The following KAZN variants were observed in gnomAD, a reference collection of about 807,000 sequenced individuals.
KAZN encodes kazrin.
A neutral mutation model predicts 87.4 loss-of-function variants in KAZN; 40 were observed. The observed-to-expected ratio is 0.46, with a 90% CI of 0.36 to 0.60. The LOEUF is 0.60. Among genes scored for constraint, KAZN ranks in the 20% least tolerant of loss-of-function variants. The probability of loss-of-function intolerance (pLI) is 0.00; values close to 1 mark genes in which losing one functional copy is unlikely to be tolerated. For synonymous variants in KAZN, 466 were observed against 458.3 expected, an observed-to-expected ratio of 1.02 and a Z score of -0.22; for missense variants, 898 against 1,073.9, an observed-to-expected ratio of 0.84 and a Z score of 2.29.
chr1:14,995,805 T>C (rs1193814812), intron 2 of KAZN, among the ~76,000 whole-genome samples: 2 of 152,026 alleles, frequency 1.3e-5, no homozygotes, highest in Non-Finnish European at 2.9e-5. Context: ...CTCGCCTGAT[T>C]TATATTTACC....
chr1:14,637,556 C>A (rs1013891983), intron 1 of KAZN, among the ~76,000 whole-genome samples: 4 of 152,062 alleles, frequency 2.6e-5, no homozygotes, highest in African/African-American at 9.7e-5. Context: ...TCAAGGCTGG[C>A]CCTCTGTAGA....
At chr1:14,576,291 AGGATGGATGGATGGATGGAT>A (rs71587761) in intron 2 of KAZN, among the ~76,000 whole-genome samples, 21 of 125,456 alleles carry the variant, frequency 1.7e-4, no homozygotes, top group African/African-American at 5.1e-4. Context: ...GAAGGATGGA[AGGATGGATGGATGGATGGAT>A]GGATGGATGG....
chr1:14,139,265 A>C (rs757304897), intron 1 of KAZN, among the ~76,000 whole-genome samples: 18 of 152,190 alleles, frequency 1.2e-4, no homozygotes, highest in Admixed American at 5.9e-4. Flanking sequence ...GGAGAAGGTA[A>C]GCTGATGTGG....
rs1322530355 is a variant in KAZN at position 14,599,125 on chromosome 1, G to T, written c.128G>T (p.Gly43Val). 1 of 1,524,550 alleles carries T rather than the reference G, an allele frequency of 6.6e-7. No individual in the cohort carries two copies. The highest frequency in any genetic ancestry group is 2.1e-5 in the Admixed American group (1 of 46,866). The allele number at this position is 1,524,550 out of a possible 1,614,324, so 94.4% of individuals were successfully genotyped here. The change falls in exon 1 of 15, where the codon GGC (glycine) becomes GTC (valine). Residue 43 changes from glycine (G) to valine (V), a missense_variant. Gly to Val is a moderately radical substitution (Grantham distance 109, BLOSUM62 -3). This residue lies in a region of KAZN where 250 missense variants were observed against 263.0 expected (regional missense o/e 0.95). Coordinates refer to ENST00000376030, the MANE Select transcript of KAZN (RefSeq NM_201628.3). The surrounding 1 kb of genome is among the most constrained non-coding windows in gnomAD (Gnocchi z 4.4). Reference sequence around the variant, plus strand: ...CGGAGACTGGCGGAACTGAGCGGCGGCGGCGGCCCCGGCCCGGGCCCGGGA... The same window carrying T: ...CGGAGACTGGCGGAACTGAGCGGCGTCGGCGGCCCCGGCCCGGGCCCGGGA... ...TNRRLAELSG[G>V]GGPGPGPGAA...
At chr1:14,957,745 C>T (rs58081232) in intron 1 of KAZN, among the ~76,000 whole-genome samples, 13,062 of 152,206 alleles carry the variant, frequency 0.086, 1,826 homozygotes, top group African/African-American at 0.29. Context: ...GAGTCTAGCG[C>T]CTTCCAGAAC....
At chr1:13,925,930 T>C (rs1019144862) in intron 1 of KAZN, among the ~76,000 whole-genome samples, 5 of 152,146 alleles carry the variant, frequency 3.3e-5, no homozygotes, top group African/African-American at 7.2e-5. Flanking sequence ...GAAGAGTGAA[T>C]GACCATGAGG....
At position 14,174,013 on chromosome 1, in the gene KAZN, T is replaced by C. The variant is rs183257414; in HGVS notation, c.92-6422T>C. Among the ~76,000 whole-genome samples, 178 of 152,352 alleles carry C rather than the reference T, an allele frequency of 1.2e-3. 1 individual carries two copies. Among genetic ancestry groups the C allele is most frequent in the Non-Finnish European group, 9.7e-4 (66 of 68,036 alleles). On this transcript the variant is annotated intron_variant, in intron 1 of 16. Transcript: ENST00000636203. Reference sequence around the variant, plus strand: ...CAGCATTGAATATTTGGTCTGTACATAGAAACAAATGGGAAAAGGCATTCC... The same window carrying C: ...CAGCATTGAATATTTGGTCTGTACACAGAAACAAATGGGAAAAGGCATTCC...
rs1428500047 is a variant in KAZN, at chr1:14,184,247, C to T, written c.249+3655C>T. Among the ~76,000 whole-genome samples, 1 of 151,918 alleles carries T rather than the reference C, an allele frequency of 6.6e-6. No individual in the cohort carries two copies. The highest frequency in any genetic ancestry group is 1.5e-5 in the Non-Finnish European group (1 of 67,958). ...TCTTCTCCCTCTGCCCTTTTTCTCC[C>T]CACCCGACCCAGCATCTCTCCTCCT... On this transcript the variant is annotated intron_variant, in intron 2 of 16. Coordinates refer to the KAZN transcript ENST00000636203. The surrounding 1 kb of genome is among the most constrained non-coding windows in gnomAD (Gnocchi z 4.2).
chr1:14,364,012 A>T (rs1376777907), intron 2 of KAZN, among the ~76,000 whole-genome samples: 2 of 150,976 alleles, frequency 1.3e-5, no homozygotes, highest in Non-Finnish European at 2.9e-5. Flanking sequence ...TATAGCAGGT[A>T]ATGTTTCTTA....
intron 1 of KAZN, among the ~76,000 whole-genome samples, chr1:14,718,030 G>A (rs1557912689): frequency 6.6e-6 from 1 of 152,218 alleles, no homozygotes; most frequent in Non-Finnish European, 1.5e-5. Context: ...ATCACCTGTG[G>A]TGACTGGGGT....
intron 1 of KAZN, among the ~76,000 whole-genome samples, chr1:14,131,008 G>A (rs1644981385): frequency 6.6e-6 from 1 of 152,166 alleles, no homozygotes; most frequent in Non-Finnish European, 1.5e-5. Context: ...TCCTGGTTTT[G>A]CAGGCTGTAC....
At chr1:14,482,516 GATA>G (rs144741233) in intron 2 of KAZN, among the ~76,000 whole-genome samples, 23,860 of 152,050 alleles carry the variant, frequency 0.16, 2,397 homozygotes, top group Non-Finnish European at 0.23. Flanking sequence ...GTAAAACAGA[GATA>G]ATATTAATAT....
intron 1 of KAZN, among the ~76,000 whole-genome samples, chr1:14,169,706 G>A (rs545062006): frequency 3.9e-5 from 6 of 152,298 alleles, no homozygotes; most frequent in East Asian, 3.9e-4. Context: ...AGTAATGATC[G>A]GGATAATGAT....
At chr1:14,583,509 G>A (rs1459400661) in intron 2 of KAZN, among the ~76,000 whole-genome samples, 2 of 152,220 alleles carry the variant, frequency 1.3e-5, no homozygotes, top group African/African-American at 4.8e-5. Flanking sequence ...ATGATGCCTT[G>A]AGGGAGCTCC....
At chr1:13,894,373 A>G (rs1054626274) in intron 1 of KAZN, among the ~76,000 whole-genome samples, 1 of 147,896 alleles carries the variant, frequency 6.8e-6, no homozygotes. Context: ...CATGCTAGCC[A>G]TCTTGCTAGG....
chr1:14,304,368 T>C (rs1654772531), intron 2 of KAZN, among the ~76,000 whole-genome samples: 1 of 152,174 alleles, frequency 6.6e-6, no homozygotes, highest in South Asian at 2.1e-4. Context: ...GGTCAGGACC[T>C]TGAGAAAAGG....
chr1:14,303,890 ACTC>A, intron 2 of KAZN, among the ~76,000 whole-genome samples: 1 of 152,140 alleles, frequency 6.6e-6, no homozygotes, highest in East Asian at 1.9e-4. Flanking sequence ...TAAGCAATAA[ACTC>A]CTCAAATCCT....
intron 1 of KAZN, among the ~76,000 whole-genome samples, chr1:14,156,994 T>G (rs548849669): frequency 2.6e-5 from 4 of 152,062 alleles, no homozygotes; most frequent in African/African-American, 9.6e-5. Flanking sequence ...TTTTTATTTT[T>G]CATGTATCCT....
chr1:14,849,943 T>C (rs1649246059), intron 1 of KAZN, among the ~76,000 whole-genome samples: 1 of 151,862 alleles, frequency 6.6e-6, no homozygotes, highest in South Asian at 2.1e-4. Context: ...CCCCCCTTTT[T>C]TTTTTTTTTG....
Sources: gnomAD v4.1 joint callset for allele counts (sites outside exome capture counted in the v4.1 genomes callset) on GRCh38, gnomAD v4.1.1 for gene constraint, gnomAD v4.1.1 regional missense constraint, Gnocchi (gnomAD v3.1) non-coding constraint, MANE v1.5 for transcripts, NCBI Gene and HGNC (gene_info 2026-07-23, HGNC 2026-07-21) for gene names.